Variants in CTNNA2 observed in about 807,000 individuals in gnomAD.
The protein encoded by CTNNA2 is catenin alpha 2, also known as catenin alpha-2.
In CTNNA2, 42 loss-of-function variants were observed where a neutral mutation model predicts 101.0. The observed-to-expected ratio is 0.42, with a 90% CI of 0.32 to 0.54. The LOEUF (loss-of-function observed/expected upper bound fraction) is 0.54. Among genes scored for constraint, CTNNA2 ranks in the 20% least tolerant of loss-of-function variants. The probability of loss-of-function intolerance (pLI) is 0.14; values close to 1 mark genes in which losing one functional copy is unlikely to be tolerated. For synonymous variants in CTNNA2, 450 were observed against 456.4 expected, an observed-to-expected ratio of 0.99 and a Z score of 0.18; for missense variants, 871 against 1,223.1, an observed-to-expected ratio of 0.71 and a Z score of 4.29.
chr2:80,175,291 G>A (rs922749440), intron 7 of CTNNA2, among the ~76,000 whole-genome samples: 2 of 152,144 alleles, frequency 1.3e-5, no homozygotes, highest in Admixed American at 1.3e-4. Flanking sequence ...GCTTCTCCCT[G>A]ATAGCACTTT....
At chr2:80,616,660 C>A (rs1301218728) in intron 17 of CTNNA2, 2 of 149,134 alleles carry the variant, frequency 1.3e-5, no homozygotes, top group Non-Finnish European at 3.0e-5. Context: ...GGCTACTTAC[C>A]CATTTCTGAA....
At chr2:79,345,581 G>A (rs1394926436) in intron 3 of CTNNA2, among the ~76,000 whole-genome samples, 3 of 152,066 alleles carry the variant, frequency 2.0e-5, no homozygotes, top group Non-Finnish European at 2.9e-5. Flanking sequence ...TATTAGTCAC[G>A]GTAAAGCATA....
At chr2:79,809,977 A>G (rs1262081655) in intron 3 of CTNNA2, among the ~76,000 whole-genome samples, 1 of 152,210 alleles carries the variant, frequency 6.6e-6, no homozygotes, top group African/African-American at 2.4e-5. Flanking sequence ...AACATACCAA[A>G]TAGTAAAACC....
intron 9 of CTNNA2, among the ~76,000 whole-genome samples, chr2:80,515,166 C>T (rs6746373): frequency 0.44 from 65,635 of 148,384 alleles, 14,874 homozygotes; most frequent in African/African-American, 0.53. Context: ...TTTTTTTTTT[C>T]CCCCTTGGAA....
intron 7 of CTNNA2, among the ~76,000 whole-genome samples, chr2:80,080,394 G>A (rs754339127): frequency 2.6e-5 from 4 of 152,240 alleles, no homozygotes; most frequent in South Asian, 4.1e-4. Flanking sequence ...AAATGATTTC[G>A]ACAAGGACAC....
At chr2:79,791,780 T>G (rs974790800) in intron 3 of CTNNA2, among the ~76,000 whole-genome samples, 5 of 152,180 alleles carry the variant, frequency 3.3e-5, no homozygotes, top group African/African-American at 1.2e-4. Context: ...CTCCAGGTAC[T>G]TCTAGGGGCT....
intron 7 of CTNNA2, among the ~76,000 whole-genome samples, chr2:80,026,577 A>T (rs1248416044): frequency 6.6e-6 from 1 of 152,180 alleles, no homozygotes; most frequent in African/African-American, 2.4e-5. Context: ...GACAGAAATG[A>T]GTCATTTTTT....
chr2:79,275,530 G>T (rs1409058787), intron 2 of CTNNA2, among the ~76,000 whole-genome samples: 3 of 151,628 alleles, frequency 2.0e-5, no homozygotes, highest in Non-Finnish European at 2.9e-5. Flanking sequence ...TCTACACTAT[G>T]GTTCTAGATG....
At chr2:80,631,087 T>C (rs1672240377) in intron 18 of CTNNA2, among the ~76,000 whole-genome samples, 1 of 152,206 alleles carries the variant, frequency 6.6e-6, no homozygotes, top group Non-Finnish European at 1.5e-5. Context: ...CTTTACATCT[T>C]GTAATAAATA....
chr2:79,759,776 A>G (rs1001376922), intron 3 of CTNNA2, among the ~76,000 whole-genome samples: 23 of 152,134 alleles, frequency 1.5e-4, no homozygotes, highest in African/African-American at 4.1e-4. Flanking sequence ...CAACCATTCC[A>G]TAATTTCTAC....
At chr2:79,879,014 G>A (rs1409198674) in intron 6 of CTNNA2, among the ~76,000 whole-genome samples, 3 of 152,088 alleles carry the variant, frequency 2.0e-5, no homozygotes, top group Admixed American at 6.6e-5. Flanking sequence ...GTAAGGAAGG[G>A]GTCCAGTTTT....
At chr2:79,767,370 GT>G (rs1224338487) in intron 3 of CTNNA2, among the ~76,000 whole-genome samples, 1 of 151,988 alleles carries the variant, frequency 6.6e-6, no homozygotes, top group South Asian at 2.1e-4. Flanking sequence ...AGTTCACTTG[GT>G]GAGGTCATGT....
chr2:80,589,291 G>A lies in CTNNA2; in HGVS notation c.2008-13G>A. The A allele has an allele frequency of 6.2e-7, 1 of 1,612,566 alleles. No homozygotes were observed. Among genetic ancestry groups the A allele is most frequent in the African/African-American group, 1.3e-5 (1 of 74,966 alleles). On this transcript the variant is annotated splice_polypyrimidine_tract_variant and intron_variant, in intron 14 of 18. Transcript: ENST00000402739. ...TGTCACCGTCACTCACGCTTTTTCT[G>A]TAACCCACGCAGGCCATCATGGCGC...
intron 7 of CTNNA2, among the ~76,000 whole-genome samples, chr2:80,351,544 A>G (rs1214895772): frequency 1.3e-5 from 2 of 152,170 alleles, no homozygotes; most frequent in Non-Finnish European, 2.9e-5. Flanking sequence ...TTATATTTTT[A>G]GAGCAATCAG....
At chr2:79,361,220 A>T (rs565482239) in intron 3 of CTNNA2, among the ~76,000 whole-genome samples, 91 of 152,278 alleles carry the variant, frequency 6.0e-4, no homozygotes, top group African/African-American at 2.1e-3. Context: ...TTGTTGTTTT[A>T]TTGGCTGTTT....
At chr2:79,925,374 A>G (rs6717295) in intron 7 of CTNNA2, among the ~76,000 whole-genome samples, 50 of 152,134 alleles carry the variant, frequency 3.3e-4, no homozygotes, top group African/African-American at 1.1e-3. Context: ...CCTGCCAGAA[A>G]CAGTGACAAG....
intron 7 of CTNNA2, among the ~76,000 whole-genome samples, chr2:79,910,387 G>A (rs1315686053): frequency 6.6e-6 from 1 of 152,050 alleles, no homozygotes; most frequent in African/African-American, 2.4e-5. Context: ...TTGTATTTTG[G>A]CACATAATAG....
chr2:80,644,098 C>T (rs906702168), intron 18 of CTNNA2, among the ~76,000 whole-genome samples: 4 of 152,076 alleles, frequency 2.6e-5, no homozygotes, highest in Admixed American at 1.3e-4. Context: ...GAACATTGCT[C>T]CATGGTGGGG....
chr2:79,749,634 A>C (rs1225691910), intron 3 of CTNNA2, among the ~76,000 whole-genome samples: 1 of 152,200 alleles, frequency 6.6e-6, no homozygotes. Flanking sequence ...TTCAGGAAGG[A>C]GTCTTGTGAA....
Sources: allele counts gnomAD v4.1 joint callset (sites outside exome capture counted in the v4.1 genomes callset), GRCh38; gene constraint gnomAD v4.1.1; transcripts MANE v1.5; gene names NCBI Gene and HGNC (gene_info 2026-07-23, HGNC 2026-07-21).